OTUD3: variants seen among roughly 807,000 people sequenced by gnomAD.
OTUD3 encodes OTU deubiquitinase 3, also known as OTU domain-containing protein 3.
A neutral mutation model predicts 46.2 loss-of-function variants in OTUD3; 24 were observed. That is an observed-to-expected ratio of 0.52 (90% confidence interval 0.38 to 0.73). OTUD3 has a LOEUF of 0.73. OTUD3 is among the 30% of genes least tolerant of loss of function. The pLI is 0.00. For synonymous variants in OTUD3, 189 were observed against 195.4 expected, an observed-to-expected ratio of 0.97 and a Z score of 0.27; for missense variants, 455 against 523.3, an observed-to-expected ratio of 0.87 and a Z score of 1.27.
Position 19,894,967 on chromosome 1 carries a change from T to A in OTUD3, c.483+487T>A, listed in dbSNP as rs2045498228. The stretch of plus-strand genomic sequence containing the variant: ...AAAAAGCTCGTAAAGAGAAAAAAAT[T>A]TTATTAAAAATTATATTTAAAATTT... On this transcript the variant is annotated intron_variant, in intron 3 of 7. Coordinates refer to ENST00000375120, the MANE Select transcript of OTUD3 (RefSeq NM_015207.2). Among the ~76,000 whole-genome samples the A allele has an allele frequency of 2.6e-5, 4 of 152,270 alleles. No individual in the cohort carries two copies. The South Asian group carries it at 8.3e-4, about 32-fold the overall frequency.
In OTUD3 at chr1:19,882,501, G is replaced by A. The variant is rs2045281215; in HGVS notation, c.-13G>A. The A allele has an allele frequency of 7.4e-7, 1 of 1,349,888 alleles. No homozygotes were observed. Among genetic ancestry groups the A allele is most frequent in the Non-Finnish European group, 9.5e-7 (1 of 1,057,150 alleles). The allele number at this position is 1,349,888 out of a possible 1,614,324, so 83.6% of individuals were successfully genotyped here. On this transcript the variant is annotated 5_prime_UTR_variant, in exon 1 of 8. Coordinates refer to ENST00000375120, the MANE Select transcript of OTUD3 (RefSeq NM_015207.2). ...CCTTTCCCTCCTGCCGCTGGGGACTGCAGGCTAAGGCCATGTCCCGAAAGC... is the reference window on the plus strand; with the variant it reads ...CCTTTCCCTCCTGCCGCTGGGGACTACAGGCTAAGGCCATGTCCCGAAAGC...
At chr1:19,890,569 T>C in intron 2 of OTUD3, 36 bp downstream of exon 2, 1 of 1,595,832 alleles carries the variant, frequency 6.3e-7, no homozygotes, top group South Asian at 1.1e-5. Flanking sequence ...CCTTCAGGAG[T>C]AATGCATTGG....
chr1:19,905,014 T>C (rs2045639434), intron 6 of OTUD3, 27 bp downstream of exon 6: 1 of 1,142,864 alleles, frequency 8.7e-7, no homozygotes, highest in African/African-American at 1.6e-5. Flanking sequence ...TATTTATAGA[T>C]CTTCAAAATG....
chr1:19,893,345 C>T (rs1427416950), intron 2 of OTUD3, among the ~76,000 whole-genome samples: 1 of 152,012 alleles, frequency 6.6e-6, no homozygotes, highest in Non-Finnish European at 1.5e-5. Flanking sequence ...CGGTTTGTTA[C>T]GGGGAAAGGA....
rs1195341954 is a variant in OTUD3 at position 19,906,414 on chromosome 1, A to T, written c.836-18A>T. 1 of 1,611,142 alleles carries T rather than the reference A, an allele frequency of 6.2e-7. No individual in the cohort carries two copies. On this transcript the variant is annotated intron_variant, in intron 6 of 7. Coordinates refer to ENST00000375120, the MANE Select transcript of OTUD3 (RefSeq NM_015207.2). ...ACTCTCAGGTTCTCAGTTTTAATGA[A>T]ATGTCTTTCTTTGGAAGATGCAGAA...
At position 19,911,900 on chromosome 1, in the gene OTUD3, G is replaced by A. The variant is rs957716547; in HGVS notation, c.*4154G>A. ...AGAGCGGTGCCTTGTGGTTGGCCTG[G>A]AAGTTCTCTCCCAAGGTGAAATTCC... On this transcript the variant is annotated 3_prime_UTR_variant, in exon 8 of 8. Transcript: ENST00000375120. The A allele has an allele frequency of 2.6e-5, 4 of 152,268 alleles. No homozygotes were observed. Among genetic ancestry groups the A allele is most frequent in the African/African-American group, 9.7e-5 (4 of 41,412 alleles). The allele number at this position is 152,268 out of a possible 1,614,324, so 9.4% of individuals were successfully genotyped here.
intron 2 of OTUD3, among the ~76,000 whole-genome samples, chr1:19,893,435 C>T (rs927384497): frequency 6.6e-6 from 1 of 152,204 alleles, no homozygotes; most frequent in East Asian, 1.9e-4. Flanking sequence ...TTCTGTTGTC[C>T]TCAGGGCATA....
chr1:19,897,721 CTG>C, intron 4 of OTUD3, 59 bp downstream of exon 4: 1 of 1,526,844 alleles, frequency 6.5e-7, no homozygotes, highest in South Asian at 1.2e-5. Flanking sequence ...AGATTGAGAG[CTG>C]TATATCTGGC....
At chr1:19,902,267 C>T (rs894147727) in intron 4 of OTUD3, among the ~76,000 whole-genome samples, 1 of 152,236 alleles carries the variant, frequency 6.6e-6, no homozygotes, top group Non-Finnish European at 1.5e-5. Flanking sequence ...TGCAGCGGCA[C>T]GATCGTGGCT....
At position 19,908,826 on chromosome 1, in the gene OTUD3, G is replaced by A. The variant is rs1464303374; in HGVS notation, c.*1080G>A. 1 of 152,294 alleles carries A rather than the reference G, an allele frequency of 6.6e-6. No homozygotes were observed. The allele number at this position is 152,294 out of a possible 1,614,324, so 9.4% of individuals were successfully genotyped here. A position where few individuals can be genotyped will look rare whatever the true frequency, so the allele number is the denominator to read the frequency against. On this transcript the variant is annotated 3_prime_UTR_variant, in exon 8 of 8. Coordinates refer to ENST00000375120, the MANE Select transcript of OTUD3 (RefSeq NM_015207.2). ...ATTTATTTCTTTTTATTTAAGCCCT[G>A]TTTGGCATTTCAAAGTTGGGAAAAC...
intron 2 of OTUD3, among the ~76,000 whole-genome samples, chr1:19,892,605 G>C (rs2045462856): frequency 6.6e-6 from 1 of 152,164 alleles, no homozygotes; most frequent in Non-Finnish European, 1.5e-5. Flanking sequence ...GTCAGAACCT[G>C]AGTATTCTTA....
At chr1:19,885,541 C>A (rs993002577) in intron 1 of OTUD3, among the ~76,000 whole-genome samples, 1 of 152,180 alleles carries the variant, frequency 6.6e-6, no homozygotes, top group South Asian at 2.1e-4. Context: ...GCAATCTCTG[C>A]CTCCTGGGTT....
intron 1 of OTUD3, among the ~76,000 whole-genome samples, chr1:19,885,302 T>A (rs2045341963): frequency 6.6e-6 from 1 of 152,198 alleles, no homozygotes; most frequent in Admixed American, 6.5e-5. Flanking sequence ...GCTAACCACC[T>A]TCTGTTCACA....
intron 1 of OTUD3, among the ~76,000 whole-genome samples, chr1:19,883,176 C>G (rs554688907): frequency 1.3e-5 from 2 of 152,272 alleles, no homozygotes; most frequent in Admixed American, 1.3e-4. Context: ...TCCTTTGAGT[C>G]CTTGGTTTTT....
At chr1:19,886,927 G>T (rs760663690) in intron 1 of OTUD3, among the ~76,000 whole-genome samples, 9 of 152,280 alleles carry the variant, frequency 5.9e-5, no homozygotes, top group Non-Finnish European at 1.3e-4. Context: ...TGTGAACCAC[G>T]TATGTGATTT....
chr1:19,887,174 TCCCAG>T (rs2045375759), intron 1 of OTUD3, among the ~76,000 whole-genome samples: 1 of 151,156 alleles, frequency 6.6e-6, no homozygotes, highest in Non-Finnish European at 1.5e-5. Flanking sequence ...AACCTCTGCC[TCCCAG>T]GTTCAAGCGA....
At chr1:19,900,681 A>G (rs533213140) in intron 4 of OTUD3, among the ~76,000 whole-genome samples, 1 of 152,002 alleles carries the variant, frequency 6.6e-6, no homozygotes, top group East Asian at 1.9e-4. Flanking sequence ...CTAAATTCCC[A>G]TATGTATTTG....
At chr1:19,902,223 G>A (rs2045599916) in intron 4 of OTUD3, among the ~76,000 whole-genome samples, 3 of 151,450 alleles carry the variant, frequency 2.0e-5, no homozygotes, top group Non-Finnish European at 4.4e-5. Flanking sequence ...GTTTTTTTTC[G>A]AGACGGAGTC....
intron 1 of OTUD3, among the ~76,000 whole-genome samples, chr1:19,888,212 C>T (rs995370218): frequency 3.9e-5 from 6 of 152,184 alleles, no homozygotes; most frequent in African/African-American, 1.2e-4. Context: ...CACAGGACAG[C>T]CTCCCACAAC....
Sources: gnomAD v4.1 joint callset for allele counts (sites outside exome capture counted in the v4.1 genomes callset) on GRCh38, gnomAD v4.1.1 for gene constraint, MANE v1.5 for transcripts, NCBI Gene and HGNC (gene_info 2026-07-23, HGNC 2026-07-21) for gene names.